LMTK2: variants seen among roughly 807,000 people sequenced by gnomAD.
LMTK2 encodes the protein serine/threonine-protein kinase LMTK2.
A neutral mutation model predicts 127.5 loss-of-function variants in LMTK2; 37 were observed. That is an observed-to-expected ratio of 0.29 (90% CI 0.22 to 0.38). The LOEUF is 0.38. Ranked by LOEUF, LMTK2 falls within the 10% of genes least tolerant of loss-of-function variation. The probability of loss-of-function intolerance (pLI) is 1.00; values close to 1 mark genes in which losing one functional copy is unlikely to be tolerated. For missense variants in LMTK2, 1,694 were observed against 1,920.3 expected, an observed-to-expected ratio of 0.88 and a Z score of 2.20; for synonymous variants, 819 against 810.1, an observed-to-expected ratio of 1.01 and a Z score of -0.19.
intron 3 of LMTK2, among the ~76,000 whole-genome samples, chr7:98,142,350 GACATA>G (rs1796711194): frequency 1.3e-5 from 2 of 152,220 alleles, no homozygotes; most frequent in South Asian, 4.1e-4. Context: ...GATGGAACGT[GACATA>G]GTTGGTGCAT....
At chr7:98,172,164 C>T (rs570067957) in intron 7 of LMTK2, among the ~76,000 whole-genome samples, 13 of 152,328 alleles carry the variant, frequency 8.5e-5, no homozygotes, top group African/African-American at 2.9e-4. Flanking sequence ...CATTTGGAAG[C>T]AGAGGTGTCA....
intron 3 of LMTK2, among the ~76,000 whole-genome samples, chr7:98,150,394 A>G (rs1796836491): frequency 6.6e-6 from 1 of 152,206 alleles, no homozygotes; most frequent in African/African-American, 2.4e-5. Flanking sequence ...GACTACACCA[A>G]GTGATGGCAA....
intron 3 of LMTK2, among the ~76,000 whole-genome samples, chr7:98,142,508 A>C (rs1176590529): frequency 6.6e-6 from 1 of 152,208 alleles, no homozygotes; most frequent in African/African-American, 2.4e-5. Flanking sequence ...AGGAGGTCTA[A>C]TATATTCTTG....
At chr7:98,188,055 TA>T (rs1285410416) in intron 9 of LMTK2, among the ~76,000 whole-genome samples, 26 of 152,332 alleles carry the variant, frequency 1.7e-4, no homozygotes, top group Admixed American at 1.6e-3. Flanking sequence ...AATTTGTTGT[TA>T]ATTATAGTCA....
intron 7 of LMTK2, among the ~76,000 whole-genome samples, chr7:98,172,828 G>T (rs1425359609): frequency 1.3e-5 from 2 of 152,150 alleles, no homozygotes; most frequent in Admixed American, 6.6e-5. Flanking sequence ...TGTGATCTCG[G>T]CTCACTACAA....
chr7:98,193,247 A>C lies in LMTK2; in HGVS notation c.2782A>C (p.Lys928Gln). The change falls in exon 11 of 14, where the codon AAA (lysine) becomes CAA (glutamine). Residue 928 changes from lysine (K) to glutamine (Q), a missense_variant. By Grantham distance (53) the Lys-to-Gln change is moderately conservative (BLOSUM62 1). Transcript: ENST00000297293. This position sits in a 1 kb window ranked among gnomAD's most constrained non-coding sequence, Gnocchi z 4.1. ...GGAACTGGGACAGGAATTGCACAAT[A>C]AACCATTTTCGGAAGACCATCACAG... ...LPELGQELHN[K>Q]PFSEDHHSHR... 1 of 1,613,720 alleles carries C rather than the reference A, an allele frequency of 6.2e-7. No individual in the cohort carries two copies. Among genetic ancestry groups the C allele is most frequent in the Non-Finnish European group, 8.5e-7 (1 of 1,180,026 alleles).
intron 6 of LMTK2, among the ~76,000 whole-genome samples, chr7:98,161,768 T>A (rs1797020081): frequency 6.6e-6 from 1 of 152,142 alleles, no homozygotes; most frequent in Non-Finnish European, 1.5e-5. Flanking sequence ...AAAAAAAAGT[T>A]AGGACACAGA....
chr7:98,181,690 C>T (rs534729447), intron 7 of LMTK2, among the ~76,000 whole-genome samples: 4 of 152,222 alleles, frequency 2.6e-5, no homozygotes, highest in South Asian at 2.1e-4. Flanking sequence ...GATGGAGCCT[C>T]GCTCTGTTGC....
At chr7:98,172,391 A>T (rs575644095) in intron 7 of LMTK2, among the ~76,000 whole-genome samples, 1 of 137,850 alleles carries the variant, frequency 7.3e-6, no homozygotes, top group Non-Finnish European at 1.5e-5. Flanking sequence ...TGCAAGCTCC[A>T]CCTCCCGGGT....
Position 98,207,918 on chromosome 7 carries a change from G to A in LMTK2, c.*2426G>A, listed in dbSNP as rs1483819334. On this transcript the variant is annotated 3_prime_UTR_variant, in exon 14 of 14. Coordinates refer to ENST00000297293, the MANE Select transcript of LMTK2 (RefSeq NM_014916.4). ...AGCCTGGGCAACATGGCGAAACCTC[G>A]TCTCTACTAAAAATACAAAATATAT... 1 of 136,712 alleles carries A rather than the reference G, an allele frequency of 7.3e-6. No homozygotes were observed. The highest frequency in any genetic ancestry group is 2.8e-5 in the African/African-American group (1 of 35,710). 8.5% of individuals were successfully genotyped at this position (136,712 alleles called of 1,614,324 possible).
intron 1 of LMTK2, among the ~76,000 whole-genome samples, chr7:98,119,975 TTTG>T (rs199830150): frequency 0.011 from 1,680 of 152,290 alleles, 21 homozygotes; most frequent in Non-Finnish European, 0.017. Context: ...TTAAAAGCTG[TTTG>T]TTGTTATATT....
At chr7:98,147,499 A>G (rs1338523968) in intron 3 of LMTK2, among the ~76,000 whole-genome samples, 2 of 152,202 alleles carry the variant, frequency 1.3e-5, no homozygotes, top group Non-Finnish European at 2.9e-5. Flanking sequence ...TGTTGGGATT[A>G]CAGGCATGAG....
Position 98,207,187 on chromosome 7 carries a change from C to G in LMTK2, c.*1695C>G, listed in dbSNP as rs939289367. The G allele has an allele frequency of 1.3e-5, 2 of 152,294 alleles. No individual in the cohort carries two copies. Among genetic ancestry groups the G allele is most frequent in the Non-Finnish European group, 2.9e-5 (2 of 68,166 alleles). The allele number at this position is 152,294 out of a possible 1,614,324, so 9.4% of individuals were successfully genotyped here. ...AGTCCCCTCATACTCACCCTTCACCCAACATATTTTCCGGTGCTGATATGT... is the reference window on the plus strand; with the variant it reads ...AGTCCCCTCATACTCACCCTTCACCGAACATATTTTCCGGTGCTGATATGT... On this transcript the variant is annotated 3_prime_UTR_variant, in exon 14 of 14. Coordinates refer to ENST00000297293, the MANE Select transcript of LMTK2 (RefSeq NM_014916.4).
At chr7:98,185,291 C>T (rs887484096) in intron 8 of LMTK2, among the ~76,000 whole-genome samples, 156 bp downstream of exon 8, 2 of 152,152 alleles carry the variant, frequency 1.3e-5, no homozygotes, top group African/African-American at 2.4e-5. Context: ...AGGCTTCTGG[C>T]GTGTGGCTTG....
rs1027407177 is a variant in LMTK2, at chr7:98,203,447, C to T, written c.4108-127C>T. 86 of 1,269,298 alleles carry T rather than the reference C, an allele frequency of 6.8e-5. No individual in the cohort carries two copies. In the Middle Eastern group the frequency reaches 8.4e-4, roughly 12 times the overall value. 78.6% of individuals were successfully genotyped at this position (1,269,298 alleles called of 1,614,324 possible). ...CTGTCCGTCCTCCCAGGCCTGGAGC[C>T]GCCCTTGTCTTGAGACGCTTACTTC... On this transcript the variant is annotated intron_variant, in intron 11 of 13. Coordinates refer to ENST00000297293, the MANE Select transcript of LMTK2 (RefSeq NM_014916.4).
Position 98,166,104 on chromosome 7 carries a change from C to T in LMTK2, c.658-5437C>T, listed in dbSNP as rs962211788. Among the ~76,000 whole-genome samples the T allele has an allele frequency of 3.9e-5, 6 of 152,266 alleles. No individual in the cohort carries two copies. In the South Asian group the frequency reaches 1.0e-3, roughly 26 times the overall value. On this transcript the variant is annotated intron_variant, in intron 6 of 13. Transcript: ENST00000297293. ...GCCTTGGCCCTTGCTGAGTCTGCCT[C>T]GGCTGCCTCTGGCCAGGCCCTTCCG...
intron 1 of LMTK2, among the ~76,000 whole-genome samples, chr7:98,130,518 G>T (rs1000740424): frequency 6.6e-6 from 1 of 152,104 alleles, no homozygotes. Context: ...AAATTCATAC[G>T]TGGAAACCCT....
intron 6 of LMTK2, among the ~76,000 whole-genome samples, chr7:98,161,450 G>A (rs1797015206): frequency 6.6e-6 from 1 of 152,096 alleles, no homozygotes; most frequent in Non-Finnish European, 1.5e-5. Flanking sequence ...GCACTTAACT[G>A]AAGTAAGGCA....
Position 98,192,806 on chromosome 7 carries a change from T to C in LMTK2, c.2341T>C (p.Ser781Pro), listed in dbSNP as rs377766163. 3.0e-5 allele frequency: 48 copies of C among 1,613,730 alleles called. No individual in the cohort carries two copies. The highest frequency in any genetic ancestry group is 6.7e-5 in the African/African-American group (5 of 74,922). Residue 781 changes from serine to proline, a missense_variant, in exon 11 of 14, where the codon TCT becomes CCT. By Grantham distance (74) the Ser-to-Pro change is moderately conservative. This residue lies in a region of LMTK2 where 527 missense variants were observed against 539.8 expected (regional missense o/e 0.98). Coordinates refer to ENST00000297293, the MANE Select transcript of LMTK2 (RefSeq NM_014916.4). ...GTTTGCTGAAAATAAGCCAGGCTTGTCTTTGTTGCAGGAAAACGTAAGCAC... is the reference window on the plus strand; with the variant it reads ...GTTTGCTGAAAATAAGCCAGGCTTGCCTTTGTTGCAGGAAAACGTAAGCAC... ...LQFAENKPGL[S>P]LLQENVSTKG...
Sources: gnomAD v4.1 joint callset for allele counts (sites outside exome capture counted in the v4.1 genomes callset) on GRCh38, gnomAD v4.1.1 for gene constraint, gnomAD v4.1.1 regional missense constraint, Gnocchi (gnomAD v3.1) non-coding constraint, MANE v1.5 for transcripts, NCBI Gene and HGNC (gene_info 2026-07-23, HGNC 2026-07-21) for gene names.